Variants in TUSC3 observed in about 807,000 individuals in gnomAD.
The protein encoded by TUSC3 is dolichyl-diphosphooligosaccharide--protein glycosyltransferase subunit TUSC3.
Under a neutral mutation model 44.8 loss-of-function variants are expected in TUSC3, and 45 were observed. The observed-to-expected ratio is 1.00, with a 90% confidence interval of 0.79 to 1.29. The LOEUF is 1.29. Ranked by LOEUF, TUSC3 falls within the 50% of genes most tolerant of loss-of-function variation. TUSC3 has a pLI of 0.00. For missense variants in TUSC3, 519 were observed against 437.9 expected, an observed-to-expected ratio of 1.19 and a Z score of -1.65; for synonymous variants, 212 against 152.9, an observed-to-expected ratio of 1.39 and a Z score of -2.85.
chr8:15,579,252 C>T lies in TUSC3; in HGVS notation c.138+38684C>T, dbSNP rs1279542860. 3.6e-5 allele frequency among the ~76,000 whole-genome samples: 5 copies of T among 138,130 alleles called. No homozygotes were observed. In the East Asian group the frequency reaches 6.4e-4, roughly 18 times the overall value. 90.6% of individuals were successfully genotyped at this position (138,130 alleles called of 152,430 possible). A position where few individuals can be genotyped will look rare whatever the true frequency, so the allele number is the denominator to read the frequency against. Reference sequence around the variant, plus strand: ...CTAGTGGTCTATCAATTTTGTTGATCCTTTCAAAAAACCAGCTCCTGGATT... The same window carrying T: ...CTAGTGGTCTATCAATTTTGTTGATTCTTTCAAAAAACCAGCTCCTGGATT... On this transcript the variant is annotated intron_variant, in intron 1 of 10. Transcript: ENST00000503731.
At chr8:15,510,488 T>TA (rs1801118162) in intron 2 of TUSC3, among the ~76,000 whole-genome samples, 1 of 152,138 alleles carries the variant, frequency 6.6e-6, no homozygotes, top group East Asian at 1.9e-4. Flanking sequence ...ATTCACAACT[T>TA]ATGTGAAATA....
In TUSC3 at chr8:15,662,032, C is replaced by T. The variant is rs147640889; in HGVS notation, c.568-124C>T. ...CAGAATGAAAGTAGTGCTAGTGTCA[C>T]GTATGAAAAGTTGGGTGGCATGTTT... On this transcript the variant is annotated intron_variant, in intron 4 of 10. Coordinates refer to ENST00000503731, the MANE Select transcript of TUSC3 (RefSeq NM_006765.4). The T allele has an allele frequency of 1.3e-3, 1,325 of 1,016,464 alleles. 11 individuals carry two copies. In the African/African-American group the frequency reaches 0.019, roughly 14 times the overall value. The allele number at this position is 1,016,464 out of a possible 1,614,324, so 63.0% of individuals were successfully genotyped here. A position where few individuals can be genotyped will look rare whatever the true frequency, so the allele number is the denominator to read the frequency against.
chr8:15,848,121 C>T, the TUSC3 span, among the ~76,000 whole-genome samples: 1 of 152,118 alleles, frequency 6.6e-6, no homozygotes, highest in Non-Finnish European at 1.5e-5. Flanking sequence ...GACTGTCCCC[C>T]TCCTTCCCCC....
chr8:15,508,901 G>A, intron 2 of TUSC3, among the ~76,000 whole-genome samples: 1 of 152,188 alleles, frequency 6.6e-6, no homozygotes, highest in Admixed American at 6.5e-5. Context: ...ATGTAGGGTT[G>A]GCATTATTAC....
At chr8:15,841,240 T>G in the TUSC3 span, among the ~76,000 whole-genome samples, 22 of 152,122 alleles carry the variant, frequency 1.4e-4, no homozygotes, top group Non-Finnish European at 2.9e-4. Context: ...GATACATAGT[T>G]CTAACTCTAT....
chr8:15,505,021 A>C (rs1801034556), intron 2 of TUSC3, among the ~76,000 whole-genome samples: 1 of 152,142 alleles, frequency 6.6e-6, no homozygotes, highest in African/African-American at 2.4e-5. Context: ...ACATCTATTA[A>C]ACATTAACCA....
intron 1 of TUSC3, among the ~76,000 whole-genome samples, chr8:15,543,519 A>G (rs1295812325): frequency 3.9e-5 from 6 of 152,040 alleles, no homozygotes; most frequent in Admixed American, 3.9e-4. Flanking sequence ...CTTGCTTTAA[A>G]ATATAAATAT....
intron 7 of TUSC3, among the ~76,000 whole-genome samples, chr8:15,731,705 A>G (rs984996631): frequency 6.6e-5 from 10 of 152,160 alleles, no homozygotes; most frequent in African/African-American, 1.9e-4. Flanking sequence ...CATTTCACCA[A>G]TGAATGTTAG....
intron 6 of TUSC3, chr8:15,689,298 T>G: frequency 3.1e-6 from 1 of 320,598 alleles, no homozygotes; most frequent in South Asian, 3.0e-5. Context: ...CTTGGACCAT[T>G]ACTTTCCTGG....
chr8:15,646,217 C>G (rs890217295), intron 2 of TUSC3, among the ~76,000 whole-genome samples: 1 of 152,092 alleles, frequency 6.6e-6, no homozygotes, highest in Non-Finnish European at 1.5e-5. Flanking sequence ...GGAGGACATT[C>G]TAAGTGAAGT....
chr8:15,692,908 T>A (rs918039921), intron 6 of TUSC3, among the ~76,000 whole-genome samples: 3 of 152,212 alleles, frequency 2.0e-5, no homozygotes, highest in African/African-American at 7.2e-5. Context: ...TTTACCACTA[T>A]GTAAAGGGCT....
In TUSC3 at chr8:15,459,881, T is replaced by C. The variant is rs533401972; in HGVS notation, n.92-23505T>C. Among the ~76,000 whole-genome samples, 21 of 151,106 alleles carry C rather than the reference T, an allele frequency of 1.4e-4. No individual in the cohort carries two copies. In the East Asian group the frequency reaches 2.9e-3, roughly 21 times the overall value. ...ATGTGTGTGTGTGTGTGTGTATACA[T>C]ACATACATACATACATACATACACA... On this transcript the variant is annotated intron_variant and non_coding_transcript_variant, in intron 1 of 5. Coordinates refer to the TUSC3 transcript ENST00000503191.
At chr8:15,698,088 C>T (rs896994690) in intron 6 of TUSC3, among the ~76,000 whole-genome samples, 2 of 152,088 alleles carry the variant, frequency 1.3e-5, no homozygotes, top group African/African-American at 2.4e-5. Flanking sequence ...AACTTATACT[C>T]TTTTATTTTA....
the TUSC3 span, among the ~76,000 whole-genome samples, chr8:15,791,331 A>G: frequency 7.2e-5 from 11 of 152,090 alleles, no homozygotes; most frequent in African/African-American, 2.4e-4. Context: ...GATTATCCAT[A>G]GTGGAATATG....
chr8:15,818,485 C>G, the TUSC3 span, among the ~76,000 whole-genome samples: 1 of 152,104 alleles, frequency 6.6e-6, no homozygotes, highest in South Asian at 2.1e-4. Flanking sequence ...GTTGATTGTA[C>G]AGCTTGAATT....
chr8:15,764,534 G>A lies in TUSC3; in HGVS notation c.*378G>A. The A allele has an allele frequency of 7.0e-6, 2 of 287,556 alleles. No individual in the cohort carries two copies. The highest frequency in any genetic ancestry group is 4.3e-5 in the South Asian group (1 of 23,330). The allele number at this position is 287,556 out of a possible 1,614,324, so 17.8% of individuals were successfully genotyped here. ...TCATTAGTAAAGGACCGCAATGTTA[G>A]TAAAGAAAACCTATGAAATGTATGT... On this transcript the variant is annotated 3_prime_UTR_variant, in exon 11 of 11. Coordinates refer to ENST00000503731, the MANE Select transcript of TUSC3 (RefSeq NM_006765.4).
intron 7 of TUSC3, among the ~76,000 whole-genome samples, chr8:15,742,259 G>A (rs1306918082): frequency 6.6e-6 from 1 of 152,218 alleles, no homozygotes. Flanking sequence ...TATATGTTAG[G>A]CTCCCAAACA....
intron 1 of TUSC3, among the ~76,000 whole-genome samples, chr8:15,470,544 C>T (rs371611787): frequency 1.2e-4 from 19 of 152,076 alleles, no homozygotes; most frequent in East Asian, 1.2e-3. Context: ...GAGTATGTGT[C>T]GGGACAGGAG....
chr8:15,656,043 G>C (rs530255873), intron 3 of TUSC3, among the ~76,000 whole-genome samples: 2 of 152,240 alleles, frequency 1.3e-5, no homozygotes, highest in South Asian at 4.1e-4. Flanking sequence ...GAATACCTGA[G>C]ACTGGCTAAT....
Sources: allele counts gnomAD v4.1 joint callset (sites outside exome capture counted in the v4.1 genomes callset), GRCh38; gene constraint gnomAD v4.1.1; transcripts MANE v1.5; gene names NCBI Gene and HGNC (gene_info 2026-07-23, HGNC 2026-07-21).